Variants in ACSL1 observed in about 807,000 individuals in gnomAD.
ACSL1 encodes the protein acyl-CoA synthetase long chain family member 1, also known as long-chain-fatty-acid--CoA ligase 1.
A neutral mutation model predicts 98.4 loss-of-function variants in ACSL1; 41 were observed. The ratio of observed to expected loss-of-function variants is 0.42; its 90% CI spans 0.32 to 0.54. ACSL1 has a LOEUF of 0.54. Ranked by LOEUF, ACSL1 falls within the 20% of genes least tolerant of loss-of-function variation. ACSL1 has a pLI of 0.13. For synonymous variants in ACSL1, 316 were observed against 322.7 expected (o/e 0.98, Z 0.22); for missense variants, 734 against 883.1 (o/e 0.83, Z 2.14).
Position 184,825,329 on chromosome 4 carries a change from G to A in ACSL1, c.-33+587C>T, listed in dbSNP as rs1201563106. On this transcript the variant is annotated intron_variant, in intron 1 of 20. Coordinates refer to ENST00000281455, the MANE Select transcript of ACSL1 (RefSeq NM_001995.5). The surrounding 1 kb of genome is among the most constrained non-coding windows in gnomAD (Gnocchi z 4.7). ...CAATGACTCCACGGCCAAGTGCAAGGGCCACGGGCACTCCTCTGGAGTCAC... is the reference window on the plus strand; with the variant it reads ...CAATGACTCCACGGCCAAGTGCAAGAGCCACGGGCACTCCTCTGGAGTCAC... 3.7e-6 allele frequency: 3 copies of A among 814,322 alleles called. No individual in the cohort carries two copies. Among genetic ancestry groups the A allele is most frequent in the Non-Finnish European group, 4.5e-6 (3 of 673,734 alleles). The allele number at this position is 814,322 out of a possible 1,614,324, so 50.4% of individuals were successfully genotyped here. A position where few individuals can be genotyped will look rare whatever the true frequency, so the allele number is the denominator to read the frequency against.
At chr4:184,817,668 G>C (rs1381609056) in intron 1 of ACSL1, among the ~76,000 whole-genome samples, 1 of 152,154 alleles carries the variant, frequency 6.6e-6, no homozygotes, top group African/African-American at 2.4e-5. Flanking sequence ...GCAAAAGCCT[G>C]CAAAAAGGGA....
intron 12 of ACSL1, among the ~76,000 whole-genome samples, chr4:184,767,173 T>C (rs1292253064): frequency 6.6e-6 from 1 of 150,724 alleles, no homozygotes; most frequent in Non-Finnish European, 1.5e-5. Flanking sequence ...TCCCAGCTAC[T>C]CAGGAGGCTA....
intron 5 of ACSL1, among the ~76,000 whole-genome samples, chr4:184,779,045 T>C (rs1189968510): frequency 6.6e-6 from 1 of 152,174 alleles, no homozygotes; most frequent in African/African-American, 2.4e-5. Context: ...ATGCTTCCAT[T>C]TTTCTAAGCC....
chr4:184,777,397 G>T (rs959240380), intron 5 of ACSL1, among the ~76,000 whole-genome samples: 1 of 151,926 alleles, frequency 6.6e-6, no homozygotes, highest in Non-Finnish European at 1.5e-5. Flanking sequence ...GGTTGAGGCT[G>T]CAGTGAGCTG....
intron 2 of ACSL1, among the ~76,000 whole-genome samples, chr4:184,791,777 TGCA>T (rs1768416419): frequency 6.6e-6 from 1 of 152,158 alleles, no homozygotes; most frequent in Admixed American, 6.5e-5. Flanking sequence ...CTGGGCGTGC[TGCA>T]GCACTCAGGA....
chr4:184,782,758 C>T (rs1269178085), intron 4 of ACSL1, among the ~76,000 whole-genome samples: 1 of 152,140 alleles, frequency 6.6e-6, no homozygotes, highest in East Asian at 1.9e-4. Flanking sequence ...AAGTTGCTTC[C>T]CCTTCTCTTG....
chr4:184,793,351 G>A (rs1469430989), intron 2 of ACSL1, among the ~76,000 whole-genome samples: 1 of 152,166 alleles, frequency 6.6e-6, no homozygotes, highest in African/African-American at 2.4e-5. Flanking sequence ...CCCCTTGGGG[G>A]CAGGAAGGGC....
chr4:184,803,768 T>C lies in ACSL1; in HGVS notation c.-32-222A>G, dbSNP rs1412274358. On this transcript the variant is annotated intron_variant, in intron 1 of 20. Transcript: ENST00000281455. The surrounding 1 kb of genome is among the most constrained non-coding windows in gnomAD (Gnocchi z 4.8). ...ATTCTATTTCTCCATTACCTTGTAT[T>C]GAAAAAACCCCATTCTCTTCCTTTC... is the stretch of plus-strand genomic sequence containing the variant. Among the ~76,000 whole-genome samples the C allele has an allele frequency of 2.0e-5, 3 of 152,192 alleles. No individual in the cohort carries two copies. The highest frequency in any genetic ancestry group is 7.2e-5 in the African/African-American group (3 of 41,446).
rs953422682 is a variant in ACSL1, at chr4:184,766,106, G to C, written c.1264-120C>G. 2 of 862,374 alleles carry C rather than the reference G, an allele frequency of 2.3e-6. No homozygotes were observed. The highest frequency in any genetic ancestry group is 3.4e-5 in the African/African-American group (2 of 59,398). The allele number at this position is 862,374 out of a possible 1,614,324, so 53.4% of individuals were successfully genotyped here. ...AACCCATAGCTGCAGACCACACGGA[G>C]GCCACACGGAGAACTCACAGCCCTC... On this transcript the variant is annotated intron_variant, in intron 13 of 20. Transcript: ENST00000281455. The surrounding 1 kb of genome is among the most constrained non-coding windows in gnomAD (Gnocchi z 4.8).
At chr4:184,762,052 G>A (rs1356386888) in intron 17 of ACSL1, among the ~76,000 whole-genome samples, 1 of 151,646 alleles carries the variant, frequency 6.6e-6, no homozygotes, top group Admixed American at 6.6e-5. Context: ...ACTTGAACCC[G>A]AGAGGTGGAG....
chr4:184,826,318 C>A (rs1439530492), upstream of ACSL1, among the ~76,000 whole-genome samples: 1 of 152,180 alleles, frequency 6.6e-6, no homozygotes, highest in African/African-American at 2.4e-5. Context: ...CTCAGAGGCC[C>A]CGCGGACCCT....
chr4:184,813,624 A>T (rs1485983712), intron 1 of ACSL1: 1 of 310,600 alleles, frequency 3.2e-6, no homozygotes. Flanking sequence ...ATTAGGCAAG[A>T]CAAGCACGGC....
At chr4:184,763,077 T>C (rs993255792) in intron 16 of ACSL1, 90 bp downstream of exon 16, 5 of 1,322,652 alleles carry the variant, frequency 3.8e-6, no homozygotes, top group Non-Finnish European at 4.2e-6. Flanking sequence ...AATGGCTTTA[T>C]TGAGCTGTTG....
chr4:184,802,494 G>A (rs756474476), intron 2 of ACSL1, among the ~76,000 whole-genome samples: 10 of 150,658 alleles, frequency 6.6e-5, no homozygotes, highest in African/African-American at 2.2e-4. Flanking sequence ...TTGGGTAGGG[G>A]AAAGCAAGCG....
Position 184,803,204 on chromosome 4 carries a change from A to T in ACSL1, c.195+116T>A. 1.9e-6 allele frequency: 2 copies of T among 1,071,168 alleles called. No individual in the cohort carries two copies. The highest frequency in any genetic ancestry group is 2.6e-6 in the Non-Finnish European group (2 of 779,496). The allele number at this position is 1,071,168 out of a possible 1,614,324, so 66.4% of individuals were successfully genotyped here. ...TCAGTAATTTGGCACATTTCCATTT[A>T]CAAAGTGCAGTTATAAACAAATATT... On this transcript the variant is annotated intron_variant, in intron 2 of 20. Coordinates refer to ENST00000281455, the MANE Select transcript of ACSL1 (RefSeq NM_001995.5). This position sits in a 1 kb window ranked among gnomAD's most constrained non-coding sequence, Gnocchi z 4.8.
At chr4:184,759,671 A>G (rs571449743) in intron 18 of ACSL1, among the ~76,000 whole-genome samples, 7 of 152,138 alleles carry the variant, frequency 4.6e-5, no homozygotes, top group African/African-American at 1.7e-4. Flanking sequence ...AATCATTAAA[A>G]AGTCAGGAAA....
intron 1 of ACSL1, among the ~76,000 whole-genome samples, chr4:184,817,636 G>A (rs1016093389): frequency 6.6e-6 from 1 of 152,150 alleles, no homozygotes; most frequent in African/African-American, 2.4e-5. Flanking sequence ...TGCCACACCT[G>A]GGAGGCAGAG....
rs1174129667 is a variant in ACSL1, at chr4:184,776,513, C to T, written c.727G>A (p.Val243Met). The change falls in exon 7 of 21, where the codon GTG becomes ATG. Residue 243 changes from valine to methionine, a missense_variant. Physicochemically the swap from Val to Met is conservative, Grantham distance 21. Coordinates refer to ENST00000281455, the MANE Select transcript of ACSL1 (RefSeq NM_001995.5). ...ATCGCCTTCATGCTGGTGACTTCCACCCCACACCTCTGGCCTCGTTCCACC... is the reference window on the plus strand; with the variant it reads ...ATCGCCTTCATGCTGGTGACTTCCATCCCACACCTCTGGCCTCGTTCCACC... ...ELVERGQRCG[V>M]EVTSMKAMED... is the part of the protein sequence containing the mutation. 1.2e-6 allele frequency: 2 copies of T among 1,613,704 alleles called. No homozygotes were observed. The highest frequency in any genetic ancestry group is 2.2e-5 in the East Asian group (1 of 44,902).
intron 7 of ACSL1, 48 bp downstream of exon 7, chr4:184,776,436 C>G: frequency 6.3e-7 from 1 of 1,579,192 alleles, no homozygotes; most frequent in Non-Finnish European, 8.6e-7. Context: ...TGAGCCAACA[C>G]GGCCCCAGGG....
Sources: gnomAD v4.1 joint callset for allele counts (sites outside exome capture counted in the v4.1 genomes callset) on GRCh38, gnomAD v4.1.1 for gene constraint, Gnocchi (gnomAD v3.1) non-coding constraint, MANE v1.5 for transcripts, NCBI Gene and HGNC (gene_info 2026-07-23, HGNC 2026-07-21) for gene names.